KCNAB1: variants seen among roughly 807,000 people sequenced by gnomAD.
KCNAB1 encodes the protein voltage-gated potassium channel subunit beta-1.
Under a neutral mutation model 64.6 loss-of-function variants are expected in KCNAB1, and 35 were observed. The ratio of observed to expected loss-of-function variants is 0.54; its 90% CI spans 0.41 to 0.72. The LOEUF (loss-of-function observed/expected upper bound fraction) is 0.72, where lower values mean the gene tolerates loss of function less well. Ranked by LOEUF, KCNAB1 falls within the 30% of genes least tolerant of loss-of-function variation. The probability of loss-of-function intolerance (pLI) is 0.00; values close to 1 mark genes in which losing one functional copy is unlikely to be tolerated. For missense variants in KCNAB1, 401 were observed against 512.9 expected, an observed-to-expected ratio of 0.78 and a Z score of 2.11; for synonymous variants, 177 against 183.8, an observed-to-expected ratio of 0.96 and a Z score of 0.30.
chr3:156,169,994 C>G (rs1711854176), intron 1 of KCNAB1, among the ~76,000 whole-genome samples: 1 of 152,172 alleles, frequency 6.6e-6, no homozygotes, highest in Admixed American at 6.5e-5. Context: ...CAAAGAGGCC[C>G]TTTTTCCCTC....
intron 1 of KCNAB1, among the ~76,000 whole-genome samples, chr3:156,129,783 G>T (rs1713884721): frequency 6.6e-6 from 1 of 152,178 alleles, no homozygotes; most frequent in South Asian, 2.1e-4. Context: ...TTAGCTAGGA[G>T]TCTCTCTATG....
At chr3:156,178,364 G>T (rs1297348166) in intron 1 of KCNAB1, among the ~76,000 whole-genome samples, 1 of 152,188 alleles carries the variant, frequency 6.6e-6, no homozygotes, top group East Asian at 1.9e-4. Context: ...CTTTGATTCT[G>T]AGGTTTTACT....
chr3:156,196,525 G>A (rs62023300), intron 1 of KCNAB1, among the ~76,000 whole-genome samples: 1 of 152,000 alleles, frequency 6.6e-6, no homozygotes, highest in African/African-American at 2.4e-5. Context: ...GGCCCTTCAT[G>A]TCTCTTGTAA....
At chr3:156,302,460 C>T (rs953846407) in intron 1 of KCNAB1, among the ~76,000 whole-genome samples, 5 of 152,070 alleles carry the variant, frequency 3.3e-5, no homozygotes, top group African/African-American at 1.2e-4. Flanking sequence ...CATCATATCC[C>T]CAACACTTTT....
chr3:156,337,801 T>C (rs957925846), intron 1 of KCNAB1, among the ~76,000 whole-genome samples: 2 of 152,216 alleles, frequency 1.3e-5, no homozygotes, highest in African/African-American at 2.4e-5. Context: ...GAAAAAATGA[T>C]TGTGACAATT....
intron 1 of KCNAB1, among the ~76,000 whole-genome samples, chr3:156,228,788 C>G (rs1360922229): frequency 6.6e-6 from 1 of 152,228 alleles, no homozygotes; most frequent in East Asian, 1.9e-4. Context: ...CAGGATTGCT[C>G]TCCTCTTCTG....
intron 1 of KCNAB1, among the ~76,000 whole-genome samples, chr3:156,179,602 C>T (rs1388067439): frequency 6.6e-6 from 1 of 152,130 alleles, no homozygotes. Flanking sequence ...GCTTTATCTT[C>T]CTGTCTACCT....
intron 1 of KCNAB1, among the ~76,000 whole-genome samples, chr3:156,235,818 C>T (rs1317022581): frequency 6.6e-6 from 1 of 152,114 alleles, no homozygotes; most frequent in Non-Finnish European, 1.5e-5. Flanking sequence ...GCTTGGGTTG[C>T]TCATCAAAAA....
chr3:156,170,358 A>G (rs555937359), intron 1 of KCNAB1, among the ~76,000 whole-genome samples: 30 of 152,094 alleles, frequency 2.0e-4, no homozygotes, highest in Middle Eastern at 3.2e-3. Context: ...TGATACCTAC[A>G]ATTTCTGTTG....
intron 8 of KCNAB1, among the ~76,000 whole-genome samples, chr3:156,506,423 T>C (rs1490709544): frequency 6.6e-6 from 1 of 152,196 alleles, no homozygotes; most frequent in South Asian, 2.1e-4. Flanking sequence ...CTATTTCACA[T>C]TTTAGAATAA....
chr3:156,157,356 T>C (rs1014153670), intron 1 of KCNAB1, among the ~76,000 whole-genome samples: 1 of 152,166 alleles, frequency 6.6e-6, no homozygotes, highest in African/African-American at 2.4e-5. Context: ...TCATAAGAAA[T>C]TGGCCCTACC....
chr3:156,283,453 C>G (rs1448638128), intron 1 of KCNAB1, among the ~76,000 whole-genome samples: 2 of 147,384 alleles, frequency 1.4e-5, no homozygotes, highest in Non-Finnish European at 3.0e-5. Flanking sequence ...CTTGGAGTTG[C>G]TCTTCTCGAG....
At chr3:156,521,365 T>C (rs1717929757) in intron 11 of KCNAB1, among the ~76,000 whole-genome samples, 1 of 152,188 alleles carries the variant, frequency 6.6e-6, no homozygotes, top group Admixed American at 6.5e-5. Flanking sequence ...ATGATCAATC[T>C]GAAAAACGGG....
chr3:156,169,969 G>C (rs1271172310), intron 1 of KCNAB1, among the ~76,000 whole-genome samples: 1 of 152,128 alleles, frequency 6.6e-6, no homozygotes. Context: ...ACAGTGCCCT[G>C]ATCAATCATA....
At chr3:156,373,663 C>G (rs557860951) in intron 1 of KCNAB1, among the ~76,000 whole-genome samples, 1 of 152,272 alleles carries the variant, frequency 6.6e-6, no homozygotes, top group South Asian at 2.1e-4. Flanking sequence ...TGTTTTCAGT[C>G]TATATGGCAA....
chr3:156,381,883 A>G (rs1278898694), intron 1 of KCNAB1, among the ~76,000 whole-genome samples: 4 of 152,240 alleles, frequency 2.6e-5, no homozygotes, highest in Non-Finnish European at 5.9e-5. Context: ...TTAGCCTTGC[A>G]CAGATGCTTA....
chr3:156,520,097 C>T (rs1217200121), intron 11 of KCNAB1, among the ~76,000 whole-genome samples: 1 of 152,148 alleles, frequency 6.6e-6, no homozygotes, highest in Admixed American at 6.5e-5. Flanking sequence ...CTGAAACCTG[C>T]TCATCTGACT....
intron 11 of KCNAB1, among the ~76,000 whole-genome samples, chr3:156,519,655 T>A (rs1377457843): frequency 3.3e-5 from 5 of 152,016 alleles, no homozygotes; most frequent in African/African-American, 1.2e-4. Context: ...AAGTACGGAG[T>A]GGCCTCAGCA....
intron 12 of KCNAB1, among the ~76,000 whole-genome samples, chr3:156,526,694 CCTT>C (rs1371083861): frequency 2.0e-5 from 3 of 152,304 alleles, no homozygotes; most frequent in South Asian, 2.1e-4. Flanking sequence ...TGTCTTGTCT[CCTT>C]CATCACCATA....
Sources: gnomAD v4.1 joint callset for allele counts (sites outside exome capture counted in the v4.1 genomes callset) on GRCh38, gnomAD v4.1.1 for gene constraint, MANE v1.5 for transcripts, NCBI Gene and HGNC (gene_info 2026-07-23, HGNC 2026-07-21) for gene names.